TAF6: variants seen among roughly 807,000 people sequenced by gnomAD.
The protein encoded by TAF6 is transcription initiation factor TFIID subunit 6.
Under a neutral mutation model 73.5 loss-of-function variants are expected in TAF6, and 50 were observed. That is an observed-to-expected ratio of 0.68 (90% CI 0.54 to 0.86). The LOEUF (loss-of-function observed/expected upper bound fraction) is 0.86. Ranked by LOEUF, TAF6 falls within the 40% of genes least tolerant of loss-of-function variation. The pLI is 0.00. For missense variants in TAF6, 768 were observed against 899.5 expected (o/e 0.85, Z 1.87); for synonymous variants, 424 against 376.7 (o/e 1.13, Z -1.45).
At chr7:100,121,837 T>C (rs1290914501), upstream of TAF6, among the ~76,000 whole-genome samples, 1 of 150,218 alleles carries the variant, frequency 6.7e-6, no homozygotes, top group East Asian at 2.0e-4. Context: ...GATCACAAGG[T>C]CAGCTGATCG....
intron 1 of TAF6, 62 bp from the exon 2 acceptor site, chr7:100,114,330 A>T: frequency 2.0e-6 from 3 of 1,527,974 alleles, no homozygotes; most frequent in Non-Finnish European, 2.7e-6. Flanking sequence ...GAGGGCCAAC[A>T]AAGGGAGGAC....
the TAF6 span, chr7:100,125,310 T>C: frequency 6.0e-6 from 1 of 167,060 alleles, no homozygotes; most frequent in African/African-American, 2.4e-5. Context: ...CTATATACAT[T>C]GCCTGTATCC....
upstream of TAF6, chr7:100,122,307 G>A (rs1562939223): frequency 1.2e-6 from 2 of 1,614,012 alleles, no homozygotes; most frequent in Middle Eastern, 1.6e-4. Context: ...AGTCGCACCG[G>A]TCGATCTCGA....
rs1039831704 is a variant in TAF6 at position 100,112,343 on chromosome 7, C to G, written c.575-90G>C. The G allele has an allele frequency of 3.0e-5, 45 of 1,507,466 alleles. No homozygotes were observed. The African/African-American group carries it at 6.2e-4, about 21-fold the overall frequency. The allele number at this position is 1,507,466 out of a possible 1,614,324, so 93.4% of individuals were successfully genotyped here. On this transcript the variant is annotated intron_variant, in intron 6 of 14. Transcript: ENST00000453269. ...CCTTAACCCTCCACTTCCCCTGAGA[C>G]CCAGGAGACCTGGCTTCTTCTTAGG...
rs564400733 is a variant in TAF6, at chr7:100,110,524, A to T, written c.1084-250T>A. On this transcript the variant is annotated intron_variant, in intron 10 of 14. Transcript: ENST00000453269. The stretch of plus-strand genomic sequence containing the variant: ...TCTACTAAAAATACAAAAATTAGCC[A>T]GTTGTGGCCAGGTGCAGTGGCTCAT... 1.5e-3 allele frequency among the ~76,000 whole-genome samples: 221 copies of T among 150,934 alleles called. 1 individual carries two copies. Among genetic ancestry groups the T allele is most frequent in the Non-Finnish European group, 1.1e-3 (73 of 67,668 alleles).
At chr7:100,125,009 G>A in the TAF6 span, 2 of 1,185,070 alleles carry the variant, frequency 1.7e-6, 1 homozygote. Flanking sequence ...GCTTGTAGCT[G>A]TTCTCTCCCA....
At position 100,112,670 on chromosome 7, in the gene TAF6, G is replaced by A. The variant is rs921131745; in HGVS notation, c.574+128C>T. 1.5e-5 allele frequency: 20 copies of A among 1,333,038 alleles called. No individual in the cohort carries two copies. The Admixed American group carries it at 1.6e-4, about 10-fold the overall frequency. 82.6% of individuals were successfully genotyped at this position (1,333,038 alleles called of 1,614,324 possible). On this transcript the variant is annotated intron_variant, in intron 6 of 14. Transcript: ENST00000453269. ...GTGGAGGTTGCAGTGAGCTGAGATC[G>A]TACCACTACACTCCAGCCTGGGTGA... is the stretch of plus-strand genomic sequence containing the variant.
intron 10 of TAF6, 94 bp downstream of exon 10, chr7:100,111,045 C>T: frequency 6.9e-7 from 1 of 1,453,924 alleles, no homozygotes; most frequent in Non-Finnish European, 9.4e-7. Flanking sequence ...AGTTCCAGTC[C>T]CTCTTCCCTC....
At chr7:100,114,364 G>A (rs569691228) in intron 1 of TAF6, 96 bp from the exon 2 acceptor site, 204 of 1,230,014 alleles carry the variant, frequency 1.7e-4, no homozygotes, top group Non-Finnish European at 2.1e-4. Context: ...GAGGAACTCC[G>A]AGTGTCTTAT....
At chr7:100,127,090 A>G in the TAF6 span, 1 of 391,310 alleles carries the variant, frequency 2.6e-6, no homozygotes, top group Non-Finnish European at 4.7e-6. This position sits in a 1 kb window ranked among gnomAD's most constrained non-coding sequence, Gnocchi z 4.6. Flanking sequence ...GATTCGATGG[A>G]GGGAAACATA....
chr7:100,114,680 AC>A (rs1239406099), intron 1 of TAF6: 1 of 272,226 alleles, frequency 3.7e-6, no homozygotes, highest in Non-Finnish European at 6.9e-6. Context: ...AGATCACGCC[AC>A]TGCACTCCAG....
Position 100,113,747 on chromosome 7 carries a change from T to C in TAF6, c.266A>G (p.Gln89Arg), listed in dbSNP as rs1584559402. The C allele has an allele frequency of 6.2e-7, 1 of 1,613,476 alleles. No individual in the cohort carries two copies. Among genetic ancestry groups the C allele is most frequent in the East Asian group, 2.2e-5 (1 of 44,850 alleles). ...GGCGAAGCGGAAAGGAATGAACTCC[T>C]GGGCGTGGAAGCCATAGAGTGGCTG... ...NVEPLYGFHA[Q>R]EFIPFRFASG... The change falls in exon 4 of 15, where the codon CAG (glutamine) becomes CGG (arginine). Residue 89 changes from glutamine (Q) to arginine (R), a missense_variant. Gln to Arg is a conservative substitution (Grantham distance 43, BLOSUM62 1). Transcript: ENST00000453269.
intron 4 of TAF6, 44 bp downstream of exon 4, chr7:100,113,569 GTCC>G: frequency 6.2e-7 from 1 of 1,604,602 alleles, no homozygotes; most frequent in Non-Finnish European, 8.5e-7. Context: ...ACACACATCT[GTCC>G]TCCTTTCCCT....
At chr7:100,118,036 ACT>A (rs1276977816) in intron 1 of TAF6, among the ~76,000 whole-genome samples, 1 of 128,512 alleles carries the variant, frequency 7.8e-6, no homozygotes, top group African/African-American at 2.9e-5. Context: ...ACAGAGCCAG[ACT>A]CTGTCTCAAA....
chr7:100,107,438 T>C lies in TAF6; in HGVS notation c.1842A>G (p.Thr614=), dbSNP rs1219695938. 1.9e-6 allele frequency: 3 copies of C among 1,611,646 alleles called. No homozygotes were observed. The highest frequency in any genetic ancestry group is 2.5e-6 in the Non-Finnish European group (3 of 1,178,438). Residue 614 remains threonine, a synonymous_variant, in exon 15 of 15, where the codon ACA becomes ACG. Coordinates refer to ENST00000453269, the MANE Select transcript of TAF6 (RefSeq NM_139315.3). ...QKYIVVSLPP[T]GEGKGGPTSH... Reference sequence around the variant, plus strand: ...AGGTGGGGCCTCCTTTGCCCTCCCCTGTTGGGGGAAGTGAGACCACGATGT... The same window carrying C: ...AGGTGGGGCCTCCTTTGCCCTCCCCCGTTGGGGGAAGTGAGACCACGATGT...
At chr7:100,112,660 A>G in intron 6 of TAF6, 138 bp downstream of exon 6, 2 of 1,258,666 alleles carry the variant, frequency 1.6e-6, no homozygotes, top group Non-Finnish European at 2.1e-6. Flanking sequence ...GGTTGCAGTG[A>G]GCTGAGATCG....
chr7:100,109,345 A>T (rs1164820663), intron 12 of TAF6, among the ~76,000 whole-genome samples: 3 of 151,886 alleles, frequency 2.0e-5, no homozygotes, highest in African/African-American at 7.2e-5. Flanking sequence ...AAAGAAAAGA[A>T]AAAGAAAACA....
chr7:100,113,301 G>A (rs774060445), intron 5 of TAF6, 48 bp downstream of exon 5: 1 of 1,505,328 alleles, frequency 6.6e-7, no homozygotes, highest in South Asian at 1.3e-5. Flanking sequence ...AAGGTGGAAG[G>A]AAGGGGAAAG....
chr7:100,126,690 TC>T, the TAF6 span: 1 of 151,984 alleles, frequency 6.6e-6, no homozygotes, highest in Non-Finnish European at 1.5e-5. Flanking sequence ...GCATCTGTGG[TC>T]CCAGATACTC....
Sources: gnomAD v4.1 joint callset for allele counts (sites outside exome capture counted in the v4.1 genomes callset) on GRCh38, gnomAD v4.1.1 for gene constraint, Gnocchi (gnomAD v3.1) non-coding constraint, MANE v1.5 for transcripts, NCBI Gene and HGNC (gene_info 2026-07-23, HGNC 2026-07-21) for gene names.